The following SPICE1 variants were observed in gnomAD, a reference collection of about 807,000 sequenced individuals.
The protein encoded by SPICE1 is spindle and centriole-associated protein 1.
SPICE1 carries 75 observed loss-of-function variants against 102.7 expected under a neutral mutation model. The ratio of observed to expected loss-of-function variants is 0.73; its 90% CI spans 0.61 to 0.88. The LOEUF is 0.88. Among genes scored for constraint, SPICE1 ranks in the 40% least tolerant of loss-of-function variants. SPICE1 has a pLI of 0.00. For missense variants in SPICE1, 979 were observed against 1,020.1 expected (o/e 0.96, Z 0.55); for synonymous variants, 308 against 350.3 (o/e 0.88, Z 1.35).
chr3:113,487,421 T>A (rs1325958639), intron 7 of SPICE1, among the ~76,000 whole-genome samples: 2 of 152,166 alleles, frequency 1.3e-5, no homozygotes, highest in Non-Finnish European at 2.9e-5. Context: ...CATATACATA[T>A]GACTATAGGT....
chr3:113,494,255 C>G, intron 4 of SPICE1, 113 bp from the exon 5 acceptor site: 2 of 637,274 alleles, frequency 3.1e-6, no homozygotes, highest in Admixed American at 6.7e-5. Context: ...AGGCTACCTT[C>G]CTAAAAACCT....
intron 7 of SPICE1, among the ~76,000 whole-genome samples, chr3:113,482,315 G>C (rs1936529701): frequency 6.6e-6 from 1 of 152,090 alleles, no homozygotes; most frequent in African/African-American, 2.4e-5. Context: ...CTAGCCCTTT[G>C]TCAAATAGAT....
chr3:113,498,123 G>A (rs562747298), intron 4 of SPICE1, among the ~76,000 whole-genome samples: 7 of 152,002 alleles, frequency 4.6e-5, no homozygotes, highest in East Asian at 1.9e-4. Context: ...TGATCTGCCC[G>A]CCTTGGCCTC....
chr3:113,457,393 C>A, intron 12 of SPICE1, 36 bp from the exon 13 acceptor site: 1 of 1,594,908 alleles, frequency 6.3e-7, no homozygotes, highest in Non-Finnish European at 8.6e-7. Context: ...ACAATAGGAA[C>A]AAAAAGAAAC....
chr3:113,450,453 G>A lies in SPICE1; in HGVS notation c.2206C>T (p.Arg736Ter), dbSNP rs760273208. ...TTTCCACGAGCCTCCATACTTTGTC[G>A]ATTCAATTCTGCAATCCGTTCCTCC... Reference protein sequence around the residue: ...SMEERIAELNRQSMEARGKLL... With the variant: ...SMEERIAELN Residue 736 changes from arginine to a stop codon, truncating the protein, a stop_gained, in exon 15 of 18, where the codon CGA becomes TGA. Transcript: ENST00000295872. LOFTEE classifies it high-confidence loss of function. The A allele has an allele frequency of 8.1e-6, 13 of 1,613,116 alleles. No homozygotes were observed. The highest frequency in any genetic ancestry group is 5.0e-5 in the Admixed American group (3 of 59,914).
intron 1 of SPICE1, among the ~76,000 whole-genome samples, chr3:113,511,916 C>T (rs919342952): frequency 2.6e-5 from 4 of 152,168 alleles, no homozygotes; most frequent in African/African-American, 9.7e-5. Flanking sequence ...GACTGTAAAG[C>T]ACATGCTGGA....
intron 11 of SPICE1, among the ~76,000 whole-genome samples, chr3:113,462,581 A>G (rs78424369): frequency 0.043 from 6,547 of 152,322 alleles, 168 homozygotes; most frequent in East Asian, 0.1. Context: ...GAAGTGGTAC[A>G]GTGCTCAAAA....
At chr3:113,506,439 A>G in intron 2 of SPICE1, 68 bp downstream of exon 2, 1 of 1,239,870 alleles carries the variant, frequency 8.1e-7, no homozygotes, top group South Asian at 1.2e-5. Context: ...TTGCATGACT[A>G]GGGCCATATC....
chr3:113,468,322 TG>T lies in SPICE1; in HGVS notation c.971del (p.Pro324GlnfsTer14). The T allele has an allele frequency of 6.2e-7, 1 of 1,614,174 alleles. No homozygotes were observed. Among genetic ancestry groups the T allele is most frequent in the Non-Finnish European group, 8.5e-7 (1 of 1,180,024 alleles). On this transcript the variant is annotated frameshift_variant, in exon 10 of 18. Coordinates refer to ENST00000295872, the MANE Select transcript of SPICE1 (RefSeq NM_144718.4). LOFTEE classifies it high-confidence loss of function. Reference protein sequence around the residue: ...SSGSTTSADLPNRTNSNLDVL... With the variant: ...SSGSTTSADLXNRTNSNLDVL... ...CATCCAGGTTGGAATTAGTCCTATT[TG>T]GTAAGTCTGCAGAGGTTGTGCTACC...
At chr3:113,461,780 TAC>T (rs575349671) in intron 11 of SPICE1, among the ~76,000 whole-genome samples, 223 of 152,322 alleles carry the variant, frequency 1.5e-3, no homozygotes, top group African/African-American at 5.1e-3. Flanking sequence ...CTTAGAGAGA[TAC>T]AGACATTTGA....
chr3:113,447,472 C>T (rs913043287), intron 16 of SPICE1, among the ~76,000 whole-genome samples: 7 of 152,066 alleles, frequency 4.6e-5, no homozygotes, highest in African/African-American at 1.7e-4. Flanking sequence ...TGTATAATGA[C>T]ATGTATCTGG....
intron 17 of SPICE1, 141 bp downstream of exon 17, chr3:113,446,448 T>C (rs750345122): frequency 5.8e-6 from 4 of 692,110 alleles, no homozygotes; most frequent in Non-Finnish European, 9.8e-6. Flanking sequence ...CCTAAAAAGG[T>C]AAATTAGTAT....
chr3:113,445,172 C>A lies in SPICE1; in HGVS notation c.*135G>T, dbSNP rs1350273876. ...AAGTCAAAAAATAATTGCTTTATTT[C>A]TCTGTTTCATTAGTACTAATTCACA... On this transcript the variant is annotated 3_prime_UTR_variant, in exon 18 of 18. Transcript: ENST00000295872. 3 of 600,074 alleles carry A rather than the reference C, an allele frequency of 5.0e-6. No individual in the cohort carries two copies. The African/African-American group carries it at 5.7e-5, about 11-fold the overall frequency. The allele number at this position is 600,074 out of a possible 1,614,324, so 37.2% of individuals were successfully genotyped here.
chr3:113,469,117 A>C lies in SPICE1; in HGVS notation c.733T>G (p.Ser245Ala). The change falls in exon 8 of 18, where the codon TCA becomes GCA. Residue 245 changes from serine (S) to alanine (A), a missense_variant. By Grantham distance (99) the Ser-to-Ala change is moderately conservative. Transcript: ENST00000295872. Reference protein sequence around the residue: ...TPPGTPSSALSSGEQRAALNA... With the variant: ...TPPGTPSSALASGEQRAALNA... ...AACAAACCTCTTTGCTCCCCTGATG[A>C]AAGAGCAGATGATGGCGTTCCTGGA... 6.2e-7 allele frequency: 1 copy of C among 1,613,242 alleles called. No homozygotes were observed. The highest frequency in any genetic ancestry group is 8.5e-7 in the Non-Finnish European group (1 of 1,179,696).
intron 17 of SPICE1, 47 bp from the exon 18 acceptor site, chr3:113,445,407 T>C: frequency 6.7e-7 from 1 of 1,489,948 alleles, no homozygotes. Context: ...ATTAGAAACA[T>C]GAGACTACTC....
intron 4 of SPICE1, among the ~76,000 whole-genome samples, chr3:113,494,932 A>G (rs1168829269): frequency 1.3e-5 from 2 of 152,220 alleles, no homozygotes; most frequent in Non-Finnish European, 2.9e-5. Flanking sequence ...CAACCACTAG[A>G]GTGAATTCAG....
intron 1 of SPICE1, among the ~76,000 whole-genome samples, chr3:113,510,402 T>C (rs999384418): frequency 1.3e-5 from 2 of 152,170 alleles, no homozygotes; most frequent in Non-Finnish European, 2.9e-5. Flanking sequence ...CAAAACAGCA[T>C]GGTACTGCTA....
intron 3 of SPICE1, among the ~76,000 whole-genome samples, chr3:113,500,004 G>A (rs966870567): frequency 3.3e-5 from 5 of 151,688 alleles, no homozygotes; most frequent in Non-Finnish European, 7.4e-5. Flanking sequence ...AAAATCCACC[G>A]AGTCATCTTT....
chr3:113,451,839 T>A (rs1935659235), intron 14 of SPICE1, among the ~76,000 whole-genome samples: 1 of 152,128 alleles, frequency 6.6e-6, no homozygotes, highest in South Asian at 2.1e-4. Context: ...ACCCATATTG[T>A]CCTTATTCCC....
Sources: allele counts gnomAD v4.1 joint callset (sites outside exome capture counted in the v4.1 genomes callset), GRCh38; gene constraint gnomAD v4.1.1; transcripts MANE v1.5; gene names NCBI Gene and HGNC (gene_info 2026-07-23, HGNC 2026-07-21).